CRACD: variants seen among roughly 807,000 people sequenced by gnomAD.
CRACD encodes the protein capping protein inhibiting regulator of actin dynamics, also known as capping protein-inhibiting regulator of actin dynamics.
CRACD carries 56 observed loss-of-function variants against 106.8 expected under a neutral mutation model. That is an observed-to-expected ratio of 0.52 (90% CI 0.42 to 0.66). The LOEUF is 0.66. CRACD is among the 30% of genes least tolerant of loss of function. The pLI, the probability that CRACD is intolerant of heterozygous loss-of-function variation, is 0.00. For missense variants in CRACD, 1,730 were observed against 1,623.2 expected (o/e 1.07, Z -1.13); for synonymous variants, 754 against 670.8 (o/e 1.12, Z -1.92).
chr4:56,108,688 G>T (rs1162562114), intron 1 of CRACD, among the ~76,000 whole-genome samples: 6 of 152,136 alleles, frequency 3.9e-5, no homozygotes, highest in African/African-American at 1.4e-4. Context: ...CCAAGTAATT[G>T]ATAAGGTCAA....
At chr4:56,159,845 A>C (rs1735888581) in intron 1 of CRACD, among the ~76,000 whole-genome samples, 1 of 151,018 alleles carries the variant, frequency 6.6e-6, no homozygotes, top group Non-Finnish European at 1.5e-5. Flanking sequence ...GCAATGGCAC[A>C]ATCTAGGCTC....
chr4:56,098,425 G>A (rs1173943458), intron 1 of CRACD, among the ~76,000 whole-genome samples: 5 of 152,132 alleles, frequency 3.3e-5, no homozygotes, highest in Admixed American at 6.5e-5. Flanking sequence ...ACACTACTTC[G>A]GGAAAATGTA....
At chr4:56,308,819 G>A (rs1221969171) in intron 5 of CRACD, 17 of 1,281,996 alleles carry the variant, frequency 1.3e-5, no homozygotes, top group South Asian at 8.7e-5. Flanking sequence ...AACAGCCATC[G>A]CCTTGGTGCA....
At position 56,269,506 on chromosome 4, in the gene CRACD, T is replaced by C. The variant is rs143414722; in HGVS notation, c.-188-2815T>C. ...AGCTCTACAGGGCTGAAAGGCAAAG[T>C]AGGAGCAGGCATGACACATGGCAAA... is the stretch of plus-strand genomic sequence containing the variant. On this transcript the variant is annotated intron_variant, in intron 2 of 10. Transcript: ENST00000682029. Among the ~76,000 whole-genome samples, 1,314 of 150,618 alleles carry C rather than the reference T, an allele frequency of 8.7e-3. 31 individuals are homozygous for C. The highest frequency in any genetic ancestry group is 0.03 in the African/African-American group (1,240 of 40,980).
intron 2 of CRACD, among the ~76,000 whole-genome samples, chr4:56,247,568 G>A (rs868822590): frequency 6.6e-6 from 1 of 152,142 alleles, no homozygotes; most frequent in African/African-American, 2.4e-5. Flanking sequence ...GTTGTGAGCT[G>A]GGCACGGTGG....
In CRACD at chr4:56,313,375, C is replaced by T; in HGVS notation, c.533C>T (p.Ala178Val). 1 of 1,613,112 alleles carries T rather than the reference C, an allele frequency of 6.2e-7. No homozygotes were observed. The highest frequency in any genetic ancestry group is 8.5e-7 in the Non-Finnish European group (1 of 1,179,752). The change falls in exon 7 of 11, where the codon GCC becomes GTC. Residue 178 changes from alanine to valine, a missense_variant. Around this residue, in one of 5 missense-constraint regions of CRACD, gnomAD observed 1,620 missense variants for 1,481.6 expected, o/e 1.09. Coordinates refer to ENST00000682029, the MANE Select transcript of CRACD (RefSeq NM_001393381.1). ...QRVSKKHRRL[A>V]QDPQHEQGGL... ...GTGTCAAAGAAGCACAGGCGCCTTG[C>T]CCAGGTGTGTAGAGCCTGCACGGGC...
chr4:56,277,417 A>C (rs1319931079), intron 3 of CRACD, among the ~76,000 whole-genome samples: 2 of 151,902 alleles, frequency 1.3e-5, no homozygotes, highest in East Asian at 3.9e-4. Context: ...AATGCAGAAA[A>C]ACTATTTGAC....
At chr4:56,148,592 G>A (rs1404877879) in intron 1 of CRACD, among the ~76,000 whole-genome samples, 1 of 152,044 alleles carries the variant, frequency 6.6e-6, no homozygotes, top group Non-Finnish European at 1.5e-5. Context: ...TGTGCCTGGA[G>A]CTCATTGTGC....
intron 2 of CRACD, among the ~76,000 whole-genome samples, chr4:56,257,898 C>T (rs984237827): frequency 1.3e-5 from 2 of 151,814 alleles, no homozygotes; most frequent in South Asian, 2.1e-4. Context: ...GGTGAAACCC[C>T]GTCTCTACTT....
intron 1 of CRACD, among the ~76,000 whole-genome samples, chr4:56,071,707 C>T (rs1053331101): frequency 6.6e-6 from 1 of 152,028 alleles, no homozygotes; most frequent in Non-Finnish European, 1.5e-5. Flanking sequence ...GACAGGGTTT[C>T]ACCATGTTGG....
chr4:56,268,530 C>CTA (rs1261253207), intron 2 of CRACD, among the ~76,000 whole-genome samples: 2 of 151,822 alleles, frequency 1.3e-5, no homozygotes, highest in Non-Finnish European at 2.9e-5. Flanking sequence ...GAAAAGGCAA[C>CTA]TGATATAAAA....
At chr4:56,238,462 A>G (rs1165409700) in intron 2 of CRACD, among the ~76,000 whole-genome samples, 1 of 152,216 alleles carries the variant, frequency 6.6e-6, no homozygotes, top group Non-Finnish European at 1.5e-5. Context: ...TTAGCCTTGG[A>G]AACCATGCAG....
At chr4:56,160,074 C>T (rs986527630) in intron 1 of CRACD, among the ~76,000 whole-genome samples, 2 of 152,024 alleles carry the variant, frequency 1.3e-5, no homozygotes, top group Non-Finnish European at 2.9e-5. Context: ...AGCCACTGTA[C>T]CCGGCCAAAA....
chr4:56,179,793 G>A lies in CRACD; in HGVS notation c.-189+363G>A, dbSNP rs555284014. ...AGCACTTTAGGAAGCTGAGGCGGGC[G>A]GATCACTTGAGGTCAGGAGTTCGAG... On this transcript the variant is annotated intron_variant, in intron 2 of 10. Coordinates refer to ENST00000682029, the MANE Select transcript of CRACD (RefSeq NM_001393381.1). Among the ~76,000 whole-genome samples the A allele has an allele frequency of 5.9e-5, 9 of 152,186 alleles. No individual in the cohort carries two copies. In the East Asian group the frequency reaches 7.7e-4, roughly 13 times the overall value.
chr4:56,066,891 G>C (rs1402935273), intron 1 of CRACD, among the ~76,000 whole-genome samples: 1 of 152,268 alleles, frequency 6.6e-6, no homozygotes, highest in South Asian at 2.1e-4. Flanking sequence ...CTGAAAAACA[G>C]TCTAGAAGAG....
chr4:56,238,244 C>T (rs914885628), intron 2 of CRACD, among the ~76,000 whole-genome samples: 6 of 152,226 alleles, frequency 3.9e-5, no homozygotes, highest in Non-Finnish European at 8.8e-5. Flanking sequence ...CTCTTTCACT[C>T]ACATGTGTGT....
At chr4:56,127,323 C>T (rs1209815650) in intron 1 of CRACD, among the ~76,000 whole-genome samples, 1 of 152,136 alleles carries the variant, frequency 6.6e-6, no homozygotes, top group African/African-American at 2.4e-5. Flanking sequence ...CGGACTAAGA[C>T]ACCCTCATTT....
At chr4:56,209,958 G>T (rs1430525025) in intron 2 of CRACD, among the ~76,000 whole-genome samples, 1 of 152,162 alleles carries the variant, frequency 6.6e-6, no homozygotes, top group Admixed American at 6.5e-5. Context: ...AGAAGACAGA[G>T]CTGTGAGGTC....
At chr4:56,118,284 A>C (rs1414780503) in intron 1 of CRACD, among the ~76,000 whole-genome samples, 1 of 152,078 alleles carries the variant, frequency 6.6e-6, no homozygotes, top group African/African-American at 2.4e-5. Flanking sequence ...CCCCACCTAC[A>C]TGCTTCTGAG....
Sources: allele counts gnomAD v4.1 joint callset (sites outside exome capture counted in the v4.1 genomes callset), GRCh38; gene constraint gnomAD v4.1.1; regional missense constraint gnomAD v4.1.1; transcripts MANE v1.5; gene names NCBI Gene and HGNC (gene_info 2026-07-23, HGNC 2026-07-21).